Variants in IQCH observed in about 807,000 individuals in gnomAD.
IQCH encodes IQ motif containing H.
Under a neutral mutation model 117.0 loss-of-function variants are expected in IQCH, and 98 were observed. That is an observed-to-expected ratio of 0.84 (90% CI 0.71 to 0.99). IQCH has a LOEUF of 0.99. Ranked by LOEUF, IQCH falls within the 50% of genes least tolerant of loss-of-function variation. IQCH has a pLI of 0.00. For synonymous variants in IQCH, 412 were observed against 448.2 expected (o/e 0.92, Z 1.02); for missense variants, 1,102 against 1,243.8 (o/e 0.89, Z 1.72).
At position 67,386,011 on chromosome 15, in the gene IQCH, C is replaced by T. The variant is rs1370620988; in HGVS notation, c.1456+992C>T. Reference sequence around the variant, plus strand: ...AAAATACATCAGTACTAGAAATTTACAGTGTCCTAAAATAATAATCATAAT... The same window carrying T: ...AAAATACATCAGTACTAGAAATTTATAGTGTCCTAAAATAATAATCATAAT... On this transcript the variant is annotated intron_variant, in intron 11 of 20. Coordinates refer to ENST00000335894, the MANE Select transcript of IQCH (RefSeq NM_001031715.3). This position sits in a 1 kb window ranked among gnomAD's most constrained non-coding sequence, Gnocchi z 5.0. Among the ~76,000 whole-genome samples the T allele has an allele frequency of 1.3e-5, 2 of 152,138 alleles. No homozygotes were observed. The highest frequency in any genetic ancestry group is 2.9e-5 in the Non-Finnish European group (2 of 68,010).
Position 67,436,147 on chromosome 15 carries a change from T to A in IQCH, c.2505+14570T>A, listed in dbSNP as rs954103362. Among the ~76,000 whole-genome samples the A allele has an allele frequency of 6.6e-6, 1 of 152,082 alleles. No individual in the cohort carries two copies. Among genetic ancestry groups the A allele is most frequent in the Admixed American group, 6.6e-5 (1 of 15,262 alleles). ...ACAAGACTCTCCAGAACACACAAGC[T>A]TGATGGCTCCATATTCAATAAATGT... On this transcript the variant is annotated intron_variant, in intron 16 of 20. Transcript: ENST00000335894. This position sits in a 1 kb window ranked among gnomAD's most constrained non-coding sequence, Gnocchi z 5.1.
chr15:67,484,114 C>A (rs559876935), intron 18 of IQCH, among the ~76,000 whole-genome samples: 11 of 152,112 alleles, frequency 7.2e-5, no homozygotes, highest in Non-Finnish European at 1.3e-4. Flanking sequence ...CTAAAATCAA[C>A]TCTTAGTCCA....
Position 67,369,457 on chromosome 15 carries a change from C to CT in IQCH, c.754-2652dup, listed in dbSNP as rs1442701795. Among the ~76,000 whole-genome samples the CT allele has an allele frequency of 6.3e-5, 9 of 142,902 alleles. No homozygotes were observed. Among genetic ancestry groups the CT allele is most frequent in the East Asian group, 4.1e-4 (2 of 4,826 alleles). The allele number at this position is 142,902 out of a possible 152,430, so 93.7% of individuals were successfully genotyped here. Reference sequence around the variant, plus strand: ...ATATCATATTGGGAGTACAGCACATCTTAAAAAAGGAGGGAAAGAGAGAGG... The same window carrying CT: ...ATATCATATTGGGAGTACAGCACATCTTTAAAAAAGGAGGGAAAGAGAGAGG... On this transcript the variant is annotated intron_variant, in intron 8 of 20. Coordinates refer to ENST00000335894, the MANE Select transcript of IQCH (RefSeq NM_001031715.3). This position sits in a 1 kb window ranked among gnomAD's most constrained non-coding sequence, Gnocchi z 5.2.
rs995122220 is a variant in IQCH at position 67,391,827 on chromosome 15, G to T, written c.1632+2821G>T. Among the ~76,000 whole-genome samples, 31 of 152,270 alleles carry T rather than the reference G, an allele frequency of 2.0e-4. No homozygotes were observed. Among genetic ancestry groups the T allele is most frequent in the African/African-American group, 7.5e-4 (31 of 41,564 alleles). On this transcript the variant is annotated intron_variant, in intron 12 of 20. Transcript: ENST00000335894. The surrounding 1 kb of genome is among the most constrained non-coding windows in gnomAD (Gnocchi z 4.3). ...GGCAGCATCTTGCCTGGAGTCTAGG[G>T]CATGCCCGCAGATGACTATAATACA...
At chr15:67,362,642 G>C (rs751698970) in intron 8 of IQCH, among the ~76,000 whole-genome samples, 1 of 152,184 alleles carries the variant, frequency 6.6e-6, no homozygotes, top group Non-Finnish European at 1.5e-5. Flanking sequence ...GATCAAATCA[G>C]TGTTTTTAAG....
At chr15:67,325,533 CT>C (rs2140618933) in intron 4 of IQCH, among the ~76,000 whole-genome samples, 1 of 152,086 alleles carries the variant, frequency 6.6e-6, no homozygotes, top group Non-Finnish European at 1.5e-5. Context: ...TGAAAATACA[CT>C]CACTTTTGAA....
chr15:67,473,092 A>G lies in IQCH; in HGVS notation c.2677-2604A>G, dbSNP rs1038077873. Among the ~76,000 whole-genome samples the G allele has an allele frequency of 7.2e-5, 11 of 152,112 alleles. No individual in the cohort carries two copies. Among genetic ancestry groups the G allele is most frequent in the African/African-American group, 2.7e-4 (11 of 41,402 alleles). The stretch of plus-strand genomic sequence containing the variant: ...GGTCTGGTCTTGGTTTTTCTTGTTT[A>G]TATACTATGGCAGCATCAGACAAGT... On this transcript the variant is annotated intron_variant, in intron 17 of 20. Transcript: ENST00000335894. This position sits in a 1 kb window ranked among gnomAD's most constrained non-coding sequence, Gnocchi z 4.9.
chr15:67,461,145 G>A (rs571815539), intron 16 of IQCH, among the ~76,000 whole-genome samples: 2 of 152,300 alleles, frequency 1.3e-5, no homozygotes, highest in African/African-American at 4.8e-5. Flanking sequence ...GGAGGTCGAG[G>A]TGGGTGGATC....
chr15:67,265,943 G>A (rs1965651911), intron 3 of IQCH, among the ~76,000 whole-genome samples: 1 of 152,162 alleles, frequency 6.6e-6, no homozygotes, highest in Non-Finnish European at 1.5e-5. Flanking sequence ...AAGTAGGAAG[G>A]TGTTTTTCAT....
intron 9 of IQCH, 124 bp downstream of exon 9, chr15:67,372,786 C>T: frequency 1.3e-6 from 1 of 758,432 alleles, no homozygotes; most frequent in South Asian, 1.9e-5. Context: ...CCTCAGACTC[C>T]CACGCCTTTC....
At chr15:67,259,813 C>G (rs370676634) in intron 1 of IQCH, among the ~76,000 whole-genome samples, 3 of 152,236 alleles carry the variant, frequency 2.0e-5, no homozygotes, top group South Asian at 4.2e-4. Flanking sequence ...GTAATTTGGA[C>G]AAAACAATAG....
chr15:67,299,411 GTACATT>G, intron 4 of IQCH, among the ~76,000 whole-genome samples: 1 of 152,058 alleles, frequency 6.6e-6, no homozygotes, highest in South Asian at 2.1e-4. Flanking sequence ...ATAATTTATT[GTACATT>G]TAAAAATAAA....
chr15:67,313,274 G>A (rs1470116718), intron 4 of IQCH, among the ~76,000 whole-genome samples: 2 of 152,076 alleles, frequency 1.3e-5, no homozygotes, highest in African/African-American at 4.8e-5. Context: ...AGAGGACTTG[G>A]GTTTTCAATC....
chr15:67,297,231 T>C (rs9920957), intron 4 of IQCH, among the ~76,000 whole-genome samples: 45,140 of 152,010 alleles, frequency 0.3, 6,905 homozygotes, highest in South Asian at 0.37. Context: ...ACAATTACAT[T>C]TTAATTACCT....
At position 67,369,159 on chromosome 15, in the gene IQCH, A is replaced by G. The variant is rs981873617; in HGVS notation, c.754-2952A>G. On this transcript the variant is annotated intron_variant, in intron 8 of 20. Coordinates refer to ENST00000335894, the MANE Select transcript of IQCH (RefSeq NM_001031715.3). This position sits in a 1 kb window ranked among gnomAD's most constrained non-coding sequence, Gnocchi z 5.2. ...CCTGCTTTCCTGTTTTTTGTTTTGG[A>G]TTTAGAATTTTGCCTAAATAACTGC... Among the ~76,000 whole-genome samples, 2 of 152,092 alleles carry G rather than the reference A, an allele frequency of 1.3e-5. No individual in the cohort carries two copies. Among genetic ancestry groups the G allele is most frequent in the African/African-American group, 4.8e-5 (2 of 41,406 alleles).
In IQCH at chr15:67,472,230, C is replaced by G. The variant is rs1389526877; in HGVS notation, c.2677-3466C>G. Reference sequence around the variant, plus strand: ...CGTCCCCTAGCAGATGGGACAGAGTCCAAAGAAACCTGTGGTCTGCTAGGA... The same window carrying G: ...CGTCCCCTAGCAGATGGGACAGAGTGCAAAGAAACCTGTGGTCTGCTAGGA... On this transcript the variant is annotated intron_variant, in intron 17 of 20. Coordinates refer to ENST00000335894, the MANE Select transcript of IQCH (RefSeq NM_001031715.3). This position sits in a 1 kb window ranked among gnomAD's most constrained non-coding sequence, Gnocchi z 4.3. 6.6e-6 allele frequency among the ~76,000 whole-genome samples: 1 copy of G among 152,090 alleles called. No individual in the cohort carries two copies. Among genetic ancestry groups the G allele is most frequent in the Non-Finnish European group, 1.5e-5 (1 of 68,032 alleles).
At chr15:67,302,181 A>G (rs1236538994) in intron 4 of IQCH, among the ~76,000 whole-genome samples, 2 of 152,200 alleles carry the variant, frequency 1.3e-5, no homozygotes, top group Admixed American at 6.5e-5. Context: ...AGATGAAGCT[A>G]TTACCATCAA....
chr15:67,261,830 A>G (rs934657125), intron 2 of IQCH, among the ~76,000 whole-genome samples: 9 of 152,196 alleles, frequency 5.9e-5, no homozygotes, highest in African/African-American at 2.2e-4. Context: ...GCAGGCCTGT[A>G]ATCCAAGCAC....
rs193109264 is a variant in IQCH at position 67,430,680 on chromosome 15, C to T, written c.2505+9103C>T. On this transcript the variant is annotated intron_variant, in intron 16 of 20. Transcript: ENST00000335894. This position sits in a 1 kb window ranked among gnomAD's most constrained non-coding sequence, Gnocchi z 5.1. ...GGACTTTTGGAACTTCTAGATGATC[C>T]AGATCTTTTGTAGTTAATTACTCAC... Among the ~76,000 whole-genome samples, 334 of 152,042 alleles carry T rather than the reference C, an allele frequency of 2.2e-3. 2 individuals are homozygous for T. The highest frequency in any genetic ancestry group is 7.8e-3 in the African/African-American group (323 of 41,488).
Sources: allele counts gnomAD v4.1 joint callset (sites outside exome capture counted in the v4.1 genomes callset), GRCh38; gene constraint gnomAD v4.1.1; non-coding constraint Gnocchi (gnomAD v3.1); transcripts MANE v1.5; gene names NCBI Gene and HGNC (gene_info 2026-07-23, HGNC 2026-07-21).